The following PTK2 variants were observed in gnomAD, a reference collection of about 807,000 sequenced individuals.
PTK2 encodes protein tyrosine kinase 2, also known as focal adhesion kinase 1.
PTK2 carries 45 observed loss-of-function variants against 150.1 expected under a neutral mutation model. The ratio of observed to expected loss-of-function variants is 0.30; its 90% CI spans 0.24 to 0.38. The LOEUF (loss-of-function observed/expected upper bound fraction) is 0.38, where lower values mean the gene tolerates loss of function less well. Ranked by LOEUF, PTK2 falls within the 10% of genes least tolerant of loss-of-function variation. The pLI is 1.00. For synonymous variants in PTK2, 432 were observed against 449.2 expected (o/e 0.96, Z 0.48); for missense variants, 919 against 1,307.3 (o/e 0.70, Z 4.58).
chr8:140,983,825 CTTTTAA>C (rs1430850324), intron 1 of PTK2: 1 of 152,164 alleles, frequency 6.6e-6, no homozygotes, highest in East Asian at 1.9e-4. Flanking sequence ...TAAACATTTA[CTTTTAA>C]TAACTGTTAC....
intron 27 of PTK2, among the ~76,000 whole-genome samples, chr8:140,677,724 A>C (rs2100014727): frequency 6.6e-6 from 1 of 152,252 alleles, no homozygotes; most frequent in Non-Finnish European, 1.5e-5. Context: ...AAGACTTGCA[A>C]AAAGTCTCAG....
chr8:140,810,262 C>A (rs908083319), intron 10 of PTK2, among the ~76,000 whole-genome samples: 1 of 152,342 alleles, frequency 6.6e-6, no homozygotes, highest in Non-Finnish European at 1.5e-5. Flanking sequence ...GGTGCAGGAG[C>A]GTCTGTAGTG....
intron 4 of PTK2, among the ~76,000 whole-genome samples, chr8:140,866,092 G>T (rs542648612): frequency 7.9e-5 from 12 of 152,240 alleles, no homozygotes; most frequent in African/African-American, 2.9e-4. Flanking sequence ...CATCTGGCCT[G>T]GGCACTATTT....
intron 1 of PTK2, among the ~76,000 whole-genome samples, chr8:140,979,419 C>T (rs189249920): frequency 6.8e-5 from 10 of 147,854 alleles, no homozygotes; most frequent in Non-Finnish European, 1.0e-4. Context: ...AAAAAAAGGC[C>T]AGAAACTTAA....
intron 1 of PTK2, among the ~76,000 whole-genome samples, chr8:140,952,023 G>GT (rs1158901612): frequency 1.3e-5 from 2 of 151,918 alleles, no homozygotes; most frequent in South Asian, 2.1e-4. Flanking sequence ...CACTAAGAAT[G>GT]TAAGTTTTGT....
intron 5 of PTK2, among the ~76,000 whole-genome samples, chr8:140,862,716 G>A (rs370884469): frequency 6.6e-6 from 1 of 152,094 alleles, no homozygotes; most frequent in Non-Finnish European, 1.5e-5. Context: ...ATTTTCATAG[G>A]AGCGCAAACC....
chr8:140,666,481 C>A (rs61496960), intron 30 of PTK2, among the ~76,000 whole-genome samples: 14 of 151,372 alleles, frequency 9.2e-5, no homozygotes, highest in Non-Finnish European at 1.6e-4. Flanking sequence ...GATACACAAA[C>A]GCTCAAAAAG....
chr8:140,751,938 AG>A, intron 17 of PTK2: 1 of 563,608 alleles, frequency 1.8e-6, no homozygotes, highest in Non-Finnish European at 3.4e-6. Flanking sequence ...CATCAACATT[AG>A]GATCACTTAT....
At chr8:140,798,982 T>C (rs1234393750) in intron 12 of PTK2, among the ~76,000 whole-genome samples, 1 of 152,238 alleles carries the variant, frequency 6.6e-6, no homozygotes, top group Non-Finnish European at 1.5e-5. Context: ...CTCTATTTTA[T>C]ACAAAGAAAA....
chr8:140,730,365 G>A (rs1296099480), intron 22 of PTK2, among the ~76,000 whole-genome samples: 1 of 152,080 alleles, frequency 6.6e-6, no homozygotes, highest in East Asian at 1.9e-4. Context: ...ATAACTACAC[G>A]AATAACATGG....
intron 4 of PTK2, among the ~76,000 whole-genome samples, chr8:140,871,132 T>C (rs1410042268): frequency 2.0e-5 from 3 of 152,184 alleles, no homozygotes; most frequent in Non-Finnish European, 4.4e-5. Context: ...CATTTTGAAG[T>C]CTAAACTATT....
intron 12 of PTK2, among the ~76,000 whole-genome samples, chr8:140,796,936 G>A (rs758434693): frequency 6.6e-6 from 1 of 151,962 alleles, no homozygotes; most frequent in Non-Finnish European, 1.5e-5. Context: ...TTTTTAAACA[G>A]CTGCATAGTA....
intron 1 of PTK2, among the ~76,000 whole-genome samples, chr8:140,960,935 A>T (rs2100182958): frequency 6.6e-6 from 1 of 152,114 alleles, no homozygotes; most frequent in South Asian, 2.1e-4. Flanking sequence ...AGCCAAGATC[A>T]CACCACTGCA....
At chr8:140,682,359 G>A (rs1292718671) in intron 27 of PTK2, among the ~76,000 whole-genome samples, 1 of 152,190 alleles carries the variant, frequency 6.6e-6, no homozygotes, top group African/African-American at 2.4e-5. Context: ...GACAGAGCAA[G>A]ACCCTGTCTC....
At chr8:140,770,684 T>C (rs1006115149) in intron 14 of PTK2, 32 bp downstream of exon 15, 5 of 1,177,962 alleles carry the variant, frequency 4.2e-6, no homozygotes, top group East Asian at 8.9e-5. Context: ...CTCTGGTTAA[T>C]AGGAGAGCCT....
chr8:140,975,866 G>A (rs898449048), intron 1 of PTK2, among the ~76,000 whole-genome samples: 8 of 152,076 alleles, frequency 5.3e-5, no homozygotes, highest in East Asian at 3.9e-4. Flanking sequence ...GCTTAATACC[G>A]TACCAGGCAC....
At chr8:140,848,438 ATATT>A (rs2100127009) in intron 5 of PTK2, among the ~76,000 whole-genome samples, 1 of 104,148 alleles carries the variant, frequency 9.6e-6, no homozygotes, top group Non-Finnish European at 2.0e-5. Context: ...TGCTCAATAA[ATATT>A]TATTGAATGA....
At chr8:140,679,585 T>A (rs1372886507) in intron 27 of PTK2, among the ~76,000 whole-genome samples, 1 of 152,204 alleles carries the variant, frequency 6.6e-6, no homozygotes, top group Non-Finnish European at 1.5e-5. Flanking sequence ...TTGGAAAAGC[T>A]GCAGAGCTGT....
At chr8:140,867,079 G>A (rs2100139778) in intron 4 of PTK2, among the ~76,000 whole-genome samples, 1 of 152,124 alleles carries the variant, frequency 6.6e-6, no homozygotes, top group Admixed American at 6.5e-5. Flanking sequence ...CTGCATGAGG[G>A]CAGTGAGTAG....
Sources: gnomAD v4.1 joint callset for allele counts (sites outside exome capture counted in the v4.1 genomes callset) on GRCh38, gnomAD v4.1.1 for gene constraint, MANE v1.5 for transcripts, NCBI Gene and HGNC (gene_info 2026-07-23, HGNC 2026-07-21) for gene names.